Variants in TDRD1 observed in about 807,000 individuals in gnomAD.
TDRD1 encodes tudor domain containing 1.
A neutral mutation model predicts 140.6 loss-of-function variants in TDRD1; 37 were observed. That is an observed-to-expected ratio of 0.26 (90% CI 0.20 to 0.35). The LOEUF is 0.35. TDRD1 is among the 10% of genes least tolerant of loss of function. The pLI is 1.00. For synonymous variants in TDRD1, 506 were observed against 475.7 expected (o/e 1.06, Z -0.83); for missense variants, 1,243 against 1,393.0 (o/e 0.89, Z 1.71).
At chr10:114,199,722 C>A (rs1455243436) in intron 4 of TDRD1, among the ~76,000 whole-genome samples, 1 of 152,200 alleles carries the variant, frequency 6.6e-6, no homozygotes, top group South Asian at 2.1e-4. Flanking sequence ...ACAGCGTGGA[C>A]TCTTTTGTAT....
chr10:114,222,779 T>A lies in TDRD1; in HGVS notation c.3007+76T>A, dbSNP rs907222571. ...GTTCTACATGATACTATGTAGATTT[T>A]GGTATTTTAGCTGCATATTTCATTT... On this transcript the variant is annotated intron_variant, in intron 21 of 25. Coordinates refer to ENST00000251864, the Ensembl canonical transcript of TDRD1. The A allele has an allele frequency of 1.2e-5, 10 of 837,308 alleles. No individual in the cohort carries two copies. The African/African-American group carries it at 1.6e-4, about 13-fold the overall frequency. The allele number at this position is 837,308 out of a possible 1,614,324, so 51.9% of individuals were successfully genotyped here.
At chr10:114,222,514 G>A in intron 20 of TDRD1, 73 bp from the exon 21 acceptor site, 1 of 731,764 alleles carries the variant, frequency 1.4e-6, no homozygotes. Context: ...GATTAGACTT[G>A]CCATTCTTTT....
At chr10:114,199,284 C>T (rs751159683) in exon 4 of TDRD1, 14 of 1,612,738 alleles carry the variant, frequency 8.7e-6, no homozygotes, top group East Asian at 2.2e-5. Flanking sequence ...ACCTCCTCTT[C>T]GGTCCACAAC....
At chr10:114,175,021 G>T (rs924867250), upstream of TDRD1, among the ~76,000 whole-genome samples, 1 of 152,178 alleles carries the variant, frequency 6.6e-6, no homozygotes, top group African/African-American at 2.4e-5. Flanking sequence ...TGCAATGTAA[G>T]AATTTGTAAA....
At chr10:114,222,486 A>G in intron 20 of TDRD1, 101 bp from the exon 21 acceptor site, 1 of 564,744 alleles carries the variant, frequency 1.8e-6, no homozygotes, top group Middle Eastern at 3.8e-4. Context: ...ATTTTAATAC[A>G]CAAAGGGTTT....
rs573151432 is a variant in TDRD1, at chr10:114,188,456, C to T, written c.325+300C>T. Among the ~76,000 whole-genome samples the T allele has an allele frequency of 7.9e-5, 12 of 152,214 alleles. No individual in the cohort carries two copies. The South Asian group carries it at 8.3e-4, about 11-fold the overall frequency. ...TTTATGGGTGTTCTAAAGATTGACC[C>T]GTATCTTAAAAATACTGTGCAAACT... On this transcript the variant is annotated intron_variant, in intron 2 of 25. Transcript: ENST00000251864.
exon 23 of TDRD1, chr10:114,227,102 A>G: frequency 6.3e-7 from 1 of 1,577,268 alleles, no homozygotes; most frequent in Non-Finnish European, 8.7e-7. Context: ...AGCTCTTCTC[A>G]ATTAATAATA....
intron 11 of TDRD1, 126 bp from the exon 12 acceptor site, chr10:114,210,455 A>T: frequency 1.1e-6 from 1 of 907,030 alleles, no homozygotes; most frequent in Non-Finnish European, 1.6e-6. Context: ...GACCTCTCAG[A>T]CTGCCATCTT....
rs575114536 is a variant in TDRD1, at chr10:114,219,511, A to G, written c.2494+927A>G. Among the ~76,000 whole-genome samples the G allele has an allele frequency of 6.5e-4, 99 of 152,232 alleles. 1 individual carries two copies. In the South Asian group the frequency reaches 0.019, roughly 30 times the overall value. On this transcript the variant is annotated intron_variant, in intron 18 of 25. Coordinates refer to ENST00000251864, the Ensembl canonical transcript of TDRD1. ...TTCAACAGTGGTAAAGTCAGGCAGC[A>G]TAGATGGATTTATTTCTTCTGCTAA...
chr10:114,209,614 A>G (rs185377534), intron 11 of TDRD1, among the ~76,000 whole-genome samples: 34 of 152,316 alleles, frequency 2.2e-4, no homozygotes, highest in African/African-American at 7.5e-4. Context: ...CCAATTATCC[A>G]TTTCAATGGG....
intron 3 of TDRD1, 36 bp from the exon 4 acceptor site, chr10:114,199,137 C>A: frequency 1.9e-6 from 3 of 1,589,496 alleles, no homozygotes; most frequent in South Asian, 1.2e-5. Context: ...AAAGTTATTG[C>A]CAAATTCTAA....
At chr10:114,217,729 T>C in intron 17 of TDRD1, 74 bp downstream of exon 17, 1 of 747,920 alleles carries the variant, frequency 1.3e-6, no homozygotes, top group Non-Finnish European at 2.3e-6. Context: ...TTAGTGCACA[T>C]TTTCTTAATG....
At chr10:114,203,129 T>C in exon 7 of TDRD1, 1 of 1,613,926 alleles carries the variant, frequency 6.2e-7, no homozygotes, top group African/African-American at 1.3e-5. Flanking sequence ...GAGAATAATG[T>C]TTTCTGATTT....
intron 3 of TDRD1, among the ~76,000 whole-genome samples, chr10:114,195,379 C>A (rs2034272358): frequency 6.6e-6 from 1 of 152,098 alleles, no homozygotes; most frequent in African/African-American, 2.4e-5. Context: ...TGAGTTCTAT[C>A]CTCTTGCTGA....
intron 21 of TDRD1, among the ~76,000 whole-genome samples, chr10:114,223,043 C>A (rs1422875921): frequency 6.6e-6 from 1 of 152,130 alleles, no homozygotes; most frequent in African/African-American, 2.4e-5. Flanking sequence ...TGTGAATGTA[C>A]TAAAAGAAGG....
intron 3 of TDRD1, among the ~76,000 whole-genome samples, chr10:114,191,973 A>T (rs779145492): frequency 6.6e-6 from 1 of 152,082 alleles, no homozygotes; most frequent in Non-Finnish European, 1.5e-5. Flanking sequence ...ACGATTGATG[A>T]TGATAAACAT....
intron 4 of TDRD1, among the ~76,000 whole-genome samples, chr10:114,200,801 T>C (rs2034683446): frequency 6.6e-6 from 1 of 151,514 alleles, no homozygotes; most frequent in African/African-American, 2.4e-5. Context: ...GTGCTGGGAT[T>C]ACAGGCGTGA....
intron 3 of TDRD1, among the ~76,000 whole-genome samples, chr10:114,192,594 C>T (rs945618302): frequency 6.6e-6 from 1 of 152,058 alleles, no homozygotes; most frequent in African/African-American, 2.4e-5. Flanking sequence ...GCGTGAGCCA[C>T]CAGATAGTTT....
At chr10:114,229,045 T>C (rs2036601334) in intron 25 of TDRD1, among the ~76,000 whole-genome samples, 1 of 151,956 alleles carries the variant, frequency 6.6e-6, no homozygotes, top group African/African-American at 2.4e-5. Flanking sequence ...ACTGCTATTA[T>C]ACTCCAGCCT....
Sources: gnomAD v4.1 joint callset for allele counts (sites outside exome capture counted in the v4.1 genomes callset) on GRCh38, gnomAD v4.1.1 for gene constraint, MANE v1.5 for transcripts, NCBI Gene and HGNC (gene_info 2026-07-23, HGNC 2026-07-21) for gene names.